LYRM4: variants seen among roughly 807,000 people sequenced by gnomAD.
LYRM4 encodes LYR motif containing 4, also known as LYR motif-containing protein 4.
A neutral mutation model predicts 11.7 loss-of-function variants in LYRM4; 9 were observed. The ratio of observed to expected loss-of-function variants is 0.77; its 90% CI spans 0.46 to 1.34. LYRM4 has a LOEUF of 1.34. LYRM4 is among the 40% of genes most tolerant of loss of function. The pLI, the probability that LYRM4 is intolerant of heterozygous loss-of-function variation, is 0.00. For synonymous variants in LYRM4, 42 were observed against 40.4 expected (o/e 1.04, Z -0.15); for missense variants, 133 against 112.5 (o/e 1.18, Z -0.82).
chr6:5,245,110 A>T (rs1581592110), intron 1 of LYRM4, among the ~76,000 whole-genome samples: 3 of 36,918 alleles, frequency 8.1e-5, no homozygotes, highest in African/African-American at 1.3e-4. Context: ...AAAAAAAAAA[A>T]AAAATATATA....
At chr6:5,130,427 G>C (rs1334156888) in intron 2 of LYRM4, among the ~76,000 whole-genome samples, 1 of 152,244 alleles carries the variant, frequency 6.6e-6, no homozygotes, top group Non-Finnish European at 1.5e-5. Flanking sequence ...AGGGAGACTG[G>C]CAGCTGCCGC....
the LYRM4 span, chr6:5,066,222 C>G: frequency 5.5e-6 from 4 of 720,742 alleles, no homozygotes; most frequent in Non-Finnish European, 7.7e-6. Flanking sequence ...AAGCTACTTG[C>G]CAGATAACAC....
chr6:5,085,752 C>G, the LYRM4 span: 8 of 1,537,998 alleles, frequency 5.2e-6, no homozygotes, highest in Non-Finnish European at 6.1e-6. Flanking sequence ...CCTTGCCCGC[C>G]GACCCCATCT....
At chr6:5,062,077 T>C in the LYRM4 span, among the ~76,000 whole-genome samples, 7 of 144,266 alleles carry the variant, frequency 4.9e-5, no homozygotes, top group South Asian at 8.5e-4. Flanking sequence ...TCCCCTTCCT[T>C]CTTCTTTTTT....
At chr6:5,085,694 A>G in the LYRM4 span, 3 of 1,547,784 alleles carry the variant, frequency 1.9e-6, no homozygotes, top group Non-Finnish European at 2.6e-6. Flanking sequence ...CCCCAGGAGC[A>G]GGAGGAGCTG....
At chr6:5,221,983 G>T (rs185877340) in intron 1 of LYRM4, among the ~76,000 whole-genome samples, 1 of 152,200 alleles carries the variant, frequency 6.6e-6, no homozygotes, top group African/African-American at 2.4e-5. Context: ...TATGGTGTGT[G>T]TATGTGTGTA....
chr6:5,189,688 A>G (rs555169622), intron 2 of LYRM4, among the ~76,000 whole-genome samples: 1 of 152,324 alleles, frequency 6.6e-6, no homozygotes, highest in South Asian at 2.1e-4. Flanking sequence ...GAGCTTTTAA[A>G]TTTGTCTACG....
chr6:5,078,918 C>A, the LYRM4 span, among the ~76,000 whole-genome samples: 1 of 152,184 alleles, frequency 6.6e-6, no homozygotes, highest in South Asian at 2.1e-4. Flanking sequence ...TGCTTTTGCT[C>A]TTTTAAAATA....
At chr6:5,172,193 T>C (rs1472201978) in intron 2 of LYRM4, among the ~76,000 whole-genome samples, 1 of 152,026 alleles carries the variant, frequency 6.6e-6, no homozygotes, top group African/African-American at 2.4e-5. Context: ...AACCCTAGGG[T>C]GGCAGCTGAT....
At chr6:5,115,792 T>TG (rs1311509502) in intron 2 of LYRM4, among the ~76,000 whole-genome samples, 1 of 152,046 alleles carries the variant, frequency 6.6e-6, no homozygotes, top group Non-Finnish European at 1.5e-5. Context: ...TTATGGCCCT[T>TG]GGGGGGAAAA....
chr6:5,225,378 G>A (rs1173051331), intron 1 of LYRM4, among the ~76,000 whole-genome samples: 2 of 151,932 alleles, frequency 1.3e-5, no homozygotes, highest in African/African-American at 4.8e-5. Flanking sequence ...TGCTATCACA[G>A]TTGGCAGTTT....
the LYRM4 span, among the ~76,000 whole-genome samples, chr6:5,084,050 G>T: frequency 6.6e-6 from 1 of 152,216 alleles, no homozygotes; most frequent in African/African-American, 2.4e-5. Context: ...CGGGAGGACT[G>T]CTTGAGGCCG....
intron 2 of LYRM4, among the ~76,000 whole-genome samples, chr6:5,162,605 A>G (rs1317682050): frequency 2.0e-5 from 3 of 152,220 alleles, no homozygotes; most frequent in Non-Finnish European, 4.4e-5. Context: ...CCAAAGGGTT[A>G]TAAGTATCTG....
chr6:5,167,655 G>A (rs1046443663), intron 2 of LYRM4, among the ~76,000 whole-genome samples: 2 of 152,144 alleles, frequency 1.3e-5, no homozygotes, highest in African/African-American at 4.8e-5. Context: ...CTGTCAAGAA[G>A]GAGGCATTTC....
intron 2 of LYRM4, among the ~76,000 whole-genome samples, chr6:5,157,924 G>A (rs1368120846): frequency 2.0e-5 from 3 of 152,210 alleles, no homozygotes; most frequent in Non-Finnish European, 2.9e-5. Flanking sequence ...CTGCACTGTC[G>A]GCAGGCCCTG....
chr6:5,232,234 C>T (rs1396729819), intron 1 of LYRM4, among the ~76,000 whole-genome samples: 1 of 152,232 alleles, frequency 6.6e-6, no homozygotes, highest in Non-Finnish European at 1.5e-5. Context: ...ACATCTCTCC[C>T]TTCAGGGCAC....
intron 2 of LYRM4, among the ~76,000 whole-genome samples, chr6:5,118,205 C>T (rs1763235092): frequency 6.6e-6 from 1 of 151,480 alleles, no homozygotes; most frequent in African/African-American, 2.4e-5. Flanking sequence ...ACCTCCTCAC[C>T]TCCTGTGTTC....
intron 2 of LYRM4, among the ~76,000 whole-genome samples, chr6:5,138,487 C>CAAAAAAAAAAAAAAAAAAA (rs765741377): frequency 1.4e-4 from 7 of 49,686 alleles, no homozygotes; most frequent in East Asian, 8.9e-4. Flanking sequence ...ACCCTGTCTC[C>CAAAAAAAAAAAAAAAAAAA]AAAAAAAAAA....
the LYRM4 span, chr6:5,088,185 C>A: frequency 6.6e-6 from 1 of 152,518 alleles, no homozygotes; most frequent in East Asian, 1.9e-4. Context: ...ACCTCCGCCT[C>A]CCAGGTTCAA....
Sources: allele counts gnomAD v4.1 joint callset (sites outside exome capture counted in the v4.1 genomes callset), GRCh38; gene constraint gnomAD v4.1.1; transcripts MANE v1.5; gene names NCBI Gene and HGNC (gene_info 2026-07-23, HGNC 2026-07-21).